FAM20A: variants seen among roughly 807,000 people sequenced by gnomAD.
The protein encoded by FAM20A is pseudokinase FAM20A.
Under a neutral mutation model 52.0 loss-of-function variants are expected in FAM20A, and 42 were observed. The ratio of observed to expected loss-of-function variants is 0.81; its 90% CI spans 0.63 to 1.04. The LOEUF is 1.04. Ranked by LOEUF, FAM20A falls within the 50% of genes least tolerant of loss-of-function variation. FAM20A has a pLI of 0.00. For synonymous variants in FAM20A, 304 were observed against 298.9 expected, an observed-to-expected ratio of 1.02 and a Z score of -0.18; for missense variants, 742 against 712.7, an observed-to-expected ratio of 1.04 and a Z score of -0.47.
chr17:68,560,999 G>C (rs983315061), intron 1 of FAM20A, among the ~76,000 whole-genome samples: 1 of 152,140 alleles, frequency 6.6e-6, no homozygotes, highest in Non-Finnish European at 1.5e-5. Flanking sequence ...GTATTGAGTT[G>C]TTAGTCTTTT....
chr17:68,541,575 G>A (rs758091017), intron 7 of FAM20A: 5 of 196,380 alleles, frequency 2.5e-5, no homozygotes, highest in Non-Finnish European at 4.2e-5. Context: ...TGGGGATACA[G>A]CAGTGAGGTC....
intron 1 of FAM20A, among the ~76,000 whole-genome samples, chr17:68,587,620 A>G (rs1052164491): frequency 1.3e-5 from 2 of 152,240 alleles, no homozygotes; most frequent in Non-Finnish European, 2.9e-5. Context: ...GTGGACAACT[A>G]AAGCCCAGTT....
intron 1 of FAM20A, among the ~76,000 whole-genome samples, chr17:68,575,445 T>TATATATTTTATATATTATATATA (rs1288631134): frequency 4.3e-4 from 48 of 112,838 alleles, no homozygotes; most frequent in Non-Finnish European, 6.9e-4. Flanking sequence ...TTTTATATAT[T>TATATATTTTATATATTATATATA]ATATATTTTA....
intron 1 of FAM20A, among the ~76,000 whole-genome samples, chr17:68,577,239 T>G (rs2087797854): frequency 6.6e-6 from 1 of 152,218 alleles, no homozygotes; most frequent in African/African-American, 2.4e-5. Context: ...ACCATTTCCT[T>G]ACGTAGCACA....
intron 4 of FAM20A, among the ~76,000 whole-genome samples, chr17:68,549,011 C>A (rs1306795233): frequency 6.6e-6 from 1 of 152,006 alleles, no homozygotes; most frequent in Non-Finnish European, 1.5e-5. Context: ...GGATTACAGG[C>A]GTGAGCCACC....
In FAM20A at chr17:68,551,859, A is replaced by AT; in HGVS notation, c.719+13_719+14insA. ...CCCCAACTGGGTGTGGAAAGGAGGA[A>AT]GGCAGTCACTTACCTCATGGGTTTG... On this transcript the variant is annotated intron_variant, in intron 4 of 10. Transcript: ENST00000592554. 1 of 1,564,382 alleles carries AT rather than the reference A, an allele frequency of 6.4e-7. No individual in the cohort carries two copies. Among genetic ancestry groups the AT allele is most frequent in the Non-Finnish European group, 8.7e-7 (1 of 1,151,436 alleles).
chr17:68,572,311 T>C (rs1228304242), intron 1 of FAM20A, among the ~76,000 whole-genome samples: 1 of 152,118 alleles, frequency 6.6e-6, no homozygotes, highest in African/African-American at 2.4e-5. Flanking sequence ...GGAAGTGGGC[T>C]GAGGCTTCAT....
rs147280356 is a variant in FAM20A, at chr17:68,565,878, A to G, written c.405-10135T>C. Among the ~76,000 whole-genome samples the G allele has an allele frequency of 4.0e-4, 61 of 152,236 alleles. 1 individual carries two copies. The East Asian group carries it at 0.011, about 27-fold the overall frequency. On this transcript the variant is annotated intron_variant, in intron 1 of 10. Coordinates refer to ENST00000592554, the MANE Select transcript of FAM20A (RefSeq NM_017565.4). Reference sequence around the variant, plus strand: ...AGCTGCAAGCACTTATTTCCCTCCTATGAAATCCTTCAATAGGTCCTTGTT... The same window carrying G: ...AGCTGCAAGCACTTATTTCCCTCCTGTGAAATCCTTCAATAGGTCCTTGTT...
intron 8 of FAM20A, 41 bp downstream of exon 8, chr17:68,540,808 C>G (rs774035992): frequency 6.4e-7 from 1 of 1,563,288 alleles, no homozygotes; most frequent in Admixed American, 1.9e-5. Flanking sequence ...AGCCACATAG[C>G]AGAGCCCACT....
rs1156999518 is a variant in FAM20A at position 68,601,228 on chromosome 17, G to C, written c.-562C>G. On this transcript the variant is annotated 5_prime_UTR_variant, in exon 1 of 11. Coordinates refer to ENST00000592554, the MANE Select transcript of FAM20A (RefSeq NM_017565.4). Reference sequence around the variant, plus strand: ...CGCGAGTGGGGAGTTGGCGAAGCAGGAGCGGCTCCGGGGAGCTTGTCTGTG... The same window carrying C: ...CGCGAGTGGGGAGTTGGCGAAGCAGCAGCGGCTCCGGGGAGCTTGTCTGTG... 6.6e-6 allele frequency: 1 copy of C among 152,292 alleles called. No homozygotes were observed. Among genetic ancestry groups the C allele is most frequent in the Non-Finnish European group, 1.5e-5 (1 of 68,156 alleles). The allele number at this position is 152,292 out of a possible 1,614,324, so 9.4% of individuals were successfully genotyped here.
At chr17:68,545,203 T>A (rs2086491992) in intron 4 of FAM20A, among the ~76,000 whole-genome samples, 5 of 152,238 alleles carry the variant, frequency 3.3e-5, no homozygotes, top group Admixed American at 3.3e-4. Flanking sequence ...TAGATTACAC[T>A]GTGTTATGGT....
chr17:68,585,758 C>T (rs958310260), intron 1 of FAM20A, among the ~76,000 whole-genome samples: 1 of 152,106 alleles, frequency 6.6e-6, no homozygotes, highest in Non-Finnish European at 1.5e-5. Flanking sequence ...ACCACGATCG[C>T]GAATGGGTGG....
chr17:68,542,600 G>T, intron 6 of FAM20A, 94 bp downstream of exon 6: 1 of 935,746 alleles, frequency 1.1e-6, no homozygotes, highest in South Asian at 1.3e-5. Context: ...GATAGTGCTA[G>T]CAGCAGGGTG....
intron 9 of FAM20A, among the ~76,000 whole-genome samples, chr17:68,539,609 C>T (rs1255029655): frequency 6.6e-6 from 1 of 152,264 alleles, no homozygotes; most frequent in Non-Finnish European, 1.5e-5. Flanking sequence ...CATTCACTAG[C>T]TGCAGAGGGC....
chr17:68,564,962 C>T lies in FAM20A; in HGVS notation c.405-9219G>A, dbSNP rs946866136. ...AAGGTTCTCAGAAGACTGGGCGGCT[C>T]CCCATGCTCCTAGTCACTAACCACA... On this transcript the variant is annotated intron_variant, in intron 1 of 10. Coordinates refer to ENST00000592554, the MANE Select transcript of FAM20A (RefSeq NM_017565.4). 2.6e-5 allele frequency among the ~76,000 whole-genome samples: 4 copies of T among 152,086 alleles called. No homozygotes were observed. The South Asian group carries it at 6.2e-4, about 24-fold the overall frequency.
intron 1 of FAM20A, among the ~76,000 whole-genome samples, chr17:68,560,458 G>T (rs1218500449): frequency 6.6e-6 from 1 of 152,102 alleles, no homozygotes; most frequent in African/African-American, 2.4e-5. Flanking sequence ...CACTGAATCT[G>T]CTGGTGGCTT....
intron 4 of FAM20A, among the ~76,000 whole-genome samples, chr17:68,550,601 G>A (rs539055230): frequency 2.6e-4 from 39 of 152,086 alleles, no homozygotes; most frequent in African/African-American, 9.4e-4. Context: ...GGCTGGTCTC[G>A]AACTCCTGAC....
At chr17:68,570,785 A>G (rs2087514764) in intron 1 of FAM20A, among the ~76,000 whole-genome samples, 1 of 152,200 alleles carries the variant, frequency 6.6e-6, no homozygotes, top group Non-Finnish European at 1.5e-5. Flanking sequence ...AGCTATTTAA[A>G]TTGCATGCCA....
intron 9 of FAM20A, 40 bp downstream of exon 9, chr17:68,539,845 C>A (rs750178888): frequency 2.5e-6 from 4 of 1,597,002 alleles, no homozygotes; most frequent in Admixed American, 1.7e-5. Flanking sequence ...AGCAGCACAT[C>A]TGGGAGAGGG....
Sources: gnomAD v4.1 joint callset for allele counts (sites outside exome capture counted in the v4.1 genomes callset) on GRCh38, gnomAD v4.1.1 for gene constraint, MANE v1.5 for transcripts, NCBI Gene and HGNC (gene_info 2026-07-23, HGNC 2026-07-21) for gene names.